MARCHF3: variants seen among roughly 807,000 people sequenced by gnomAD.
MARCHF3 encodes the protein E3 ubiquitin-protein ligase MARCHF3.
MARCHF3 carries 13 observed loss-of-function variants against 24.2 expected under a neutral mutation model. The ratio of observed to expected loss-of-function variants is 0.54; its 90% confidence interval spans 0.35 to 0.85. MARCHF3 has a LOEUF of 0.85. MARCHF3 is among the 40% of genes least tolerant of loss of function. The pLI is 0.01. For synonymous variants in MARCHF3, 144 were observed against 137.3 expected, an observed-to-expected ratio of 1.05 and a Z score of -0.34; for missense variants, 276 against 325.0, an observed-to-expected ratio of 0.85 and a Z score of 1.16.
chr5:126,999,175 G>A (rs1752043006), intron 1 of MARCHF3, among the ~76,000 whole-genome samples: 1 of 152,184 alleles, frequency 6.6e-6, no homozygotes, highest in Admixed American at 6.5e-5. Context: ...CTCAGTTGGG[G>A]CAAACACATA....
chr5:126,942,102 TA>T (rs1167448028), intron 1 of MARCHF3, among the ~76,000 whole-genome samples: 4 of 152,192 alleles, frequency 2.6e-5, no homozygotes, highest in Admixed American at 2.6e-4. Context: ...GTAACTTTTT[TA>T]AAAAATGGCA....
rs58020534 is a variant in MARCHF3, at chr5:126,971,811, C to T, written c.-56-53584G>A. On this transcript the variant is annotated intron_variant, in intron 1 of 4. Coordinates refer to ENST00000308660, the MANE Select transcript of MARCHF3 (RefSeq NM_178450.5). ...GAAGTTTGACACTGTTATTCCTCTC[C>T]CCCTTTTCTAAATTGCAAGGGTAAT... 2.3e-3 allele frequency among the ~76,000 whole-genome samples: 343 copies of T among 152,308 alleles called. 3 individuals are homozygous for T. Among genetic ancestry groups the T allele is most frequent in the African/African-American group, 8.0e-3 (333 of 41,548 alleles).
At chr5:126,907,516 T>C (rs1473349204) in intron 3 of MARCHF3, among the ~76,000 whole-genome samples, 2 of 151,960 alleles carry the variant, frequency 1.3e-5, no homozygotes, top group African/African-American at 2.4e-5. Context: ...ATTGGGTGCA[T>C]ATATATATTT....
At chr5:126,983,760 C>T (rs1175402326) in intron 1 of MARCHF3, among the ~76,000 whole-genome samples, 1 of 152,178 alleles carries the variant, frequency 6.6e-6, no homozygotes, top group African/African-American at 2.4e-5. Flanking sequence ...AGAAGGAGCG[C>T]AGGATGCAAA....
At chr5:126,894,887 T>A (rs1401148132) in intron 3 of MARCHF3, among the ~76,000 whole-genome samples, 1 of 151,880 alleles carries the variant, frequency 6.6e-6, no homozygotes, top group Admixed American at 6.6e-5. Context: ...TTCTCCTGGA[T>A]AATATCCTGC....
intron 3 of MARCHF3, among the ~76,000 whole-genome samples, chr5:126,911,022 A>G (rs1754507052): frequency 6.6e-6 from 1 of 152,220 alleles, no homozygotes; most frequent in Admixed American, 6.5e-5. Context: ...AATAAGCCCC[A>G]GTCTCCTGTA....
chr5:126,963,815 G>A (rs1017084728), intron 1 of MARCHF3, among the ~76,000 whole-genome samples: 1 of 152,154 alleles, frequency 6.6e-6, no homozygotes, highest in Admixed American at 6.6e-5. Flanking sequence ...GAGTACTGAC[G>A]TTAAACTCTT....
chr5:126,961,240 A>G (rs1047125848), intron 1 of MARCHF3, among the ~76,000 whole-genome samples: 1 of 152,200 alleles, frequency 6.6e-6, no homozygotes, highest in Admixed American at 6.5e-5. Flanking sequence ...TCCCCTCTTC[A>G]CAAAAGATAT....
intron 3 of MARCHF3, among the ~76,000 whole-genome samples, chr5:126,898,117 T>G (rs1753986418): frequency 6.6e-6 from 1 of 152,166 alleles, no homozygotes; most frequent in Admixed American, 6.6e-5. Flanking sequence ...GAAAATGTTC[T>G]AAAATCAACT....
At chr5:126,988,995 C>T (rs990748116) in intron 1 of MARCHF3, among the ~76,000 whole-genome samples, 2 of 152,148 alleles carry the variant, frequency 1.3e-5, no homozygotes, top group Non-Finnish European at 2.9e-5. Flanking sequence ...CTCCCACTGG[C>T]ATCAACAACA....
intron 1 of MARCHF3, among the ~76,000 whole-genome samples, chr5:126,979,766 T>C (rs931573178): frequency 4.6e-5 from 7 of 151,950 alleles, no homozygotes; most frequent in African/African-American, 1.5e-4. Context: ...CTGACCAACA[T>C]GGAGAAACCC....
rs76022194 is a variant in MARCHF3 at position 126,969,712 on chromosome 5, C to T, written c.-56-51485G>A. ...GAGGCCAGTGGTTCTTAAACTTGAG[C>T]GAGCATTAGAATCACCTGGAGAGTT... On this transcript the variant is annotated intron_variant, in intron 1 of 4. Transcript: ENST00000308660. Among the ~76,000 whole-genome samples, 1,476 of 152,264 alleles carry T rather than the reference C, an allele frequency of 9.7e-3. 17 individuals carry two copies. The highest frequency in any genetic ancestry group is 0.034 in the African/African-American group (1,407 of 41,558).
intron 1 of MARCHF3, among the ~76,000 whole-genome samples, chr5:126,999,027 A>G (rs1332917884): frequency 2.0e-5 from 3 of 152,222 alleles, no homozygotes; most frequent in Non-Finnish European, 4.4e-5. Flanking sequence ...CTCAAGGAGA[A>G]CCAACTTATT....
intron 1 of MARCHF3, among the ~76,000 whole-genome samples, chr5:127,013,571 G>A (rs1752537556): frequency 6.6e-6 from 1 of 152,122 alleles, no homozygotes; most frequent in East Asian, 1.9e-4. Context: ...AGGGATCCCT[G>A]CCAGGATCCG....
chr5:127,022,220 T>C lies in MARCHF3; in HGVS notation c.-57+8130A>G, dbSNP rs151324568. Among the ~76,000 whole-genome samples, 158 of 152,314 alleles carry C rather than the reference T, an allele frequency of 1.0e-3. 1 individual carries two copies. Among genetic ancestry groups the C allele is most frequent in the African/African-American group, 3.6e-3 (149 of 41,568 alleles). ...TTTTACTGTGTAGGCTGTCAGAGCA[T>C]GTAATATCCCATCGGAAAATCACAT... On this transcript the variant is annotated intron_variant, in intron 1 of 4. Transcript: ENST00000308660.
intron 1 of MARCHF3, among the ~76,000 whole-genome samples, chr5:126,977,828 C>T (rs1751255707): frequency 6.6e-6 from 1 of 152,320 alleles, no homozygotes; most frequent in South Asian, 2.1e-4. Flanking sequence ...ATATACATGT[C>T]CTAACATCAA....
rs192646514 is a variant in MARCHF3 at position 126,931,590 on chromosome 5, C to T, written c.-56-13363G>A. ...ATGAATACACACACACACACACACA[C>T]ACACACACACACACACACACAGGCT... is the stretch of plus-strand genomic sequence containing the variant. On this transcript the variant is annotated intron_variant, in intron 1 of 4. Coordinates refer to ENST00000308660, the MANE Select transcript of MARCHF3 (RefSeq NM_178450.5). 7.7e-3 allele frequency among the ~76,000 whole-genome samples: 1,170 copies of T among 151,918 alleles called. 8 individuals are homozygous for T. Among genetic ancestry groups the T allele is most frequent in the Middle Eastern group, 0.024 (7 of 292 alleles).
At chr5:126,944,994 T>G (rs1749960909) in intron 1 of MARCHF3, among the ~76,000 whole-genome samples, 1 of 152,136 alleles carries the variant, frequency 6.6e-6, no homozygotes, top group Non-Finnish European at 1.5e-5. Context: ...ACCAGTCACT[T>G]TTTTTGCCTG....
chr5:126,950,612 C>T (rs1750198145), intron 1 of MARCHF3, among the ~76,000 whole-genome samples: 1 of 152,152 alleles, frequency 6.6e-6, no homozygotes, highest in Non-Finnish European at 1.5e-5. Flanking sequence ...CACTAGATCC[C>T]TTCCCTCTAC....
Sources: gnomAD v4.1 joint callset for allele counts (sites outside exome capture counted in the v4.1 genomes callset) on GRCh38, gnomAD v4.1.1 for gene constraint, MANE v1.5 for transcripts, NCBI Gene and HGNC (gene_info 2026-07-23, HGNC 2026-07-21) for gene names.